Variants in CSMD1 observed in about 807,000 individuals in gnomAD.
CSMD1 encodes the protein CUB and sushi domain-containing protein 1.
In CSMD1, 213 loss-of-function variants were observed where a neutral mutation model predicts 417.5. That is an observed-to-expected ratio of 0.51 (90% CI 0.46 to 0.57). The LOEUF is 0.57. Ranked by LOEUF, CSMD1 falls within the 20% of genes least tolerant of loss-of-function variation. The probability of loss-of-function intolerance (pLI) is 0.00; values close to 1 mark genes in which losing one functional copy is unlikely to be tolerated. For missense variants in CSMD1, 6,923 were observed against 4,529.7 expected, an observed-to-expected ratio of 1.53 and a Z score of -15.17; for synonymous variants, 2,862 against 1,736.8, an observed-to-expected ratio of 1.65 and a Z score of -16.11.
At chr8:4,015,012 G>A (rs973526496) in intron 4 of CSMD1, among the ~76,000 whole-genome samples, 1 of 152,130 alleles carries the variant, frequency 6.6e-6, no homozygotes, top group African/African-American at 2.4e-5. Flanking sequence ...CGTAGACCAG[G>A]TTTACTAGAA....
chr8:4,096,258 C>G (rs768795853), intron 3 of CSMD1, among the ~76,000 whole-genome samples: 16 of 152,182 alleles, frequency 1.1e-4, no homozygotes, highest in Non-Finnish European at 2.2e-4. Context: ...CCTGCTAGCT[C>G]TTGATAGCAA....
At chr8:4,823,013 T>A (rs1799606807) in intron 1 of CSMD1, among the ~76,000 whole-genome samples, 1 of 152,164 alleles carries the variant, frequency 6.6e-6, no homozygotes, top group East Asian at 1.9e-4. Context: ...ATTTCACAAT[T>A]TGCAGTTCTC....
chr8:4,813,200 G>T (rs777245796), intron 1 of CSMD1, among the ~76,000 whole-genome samples: 3 of 152,100 alleles, frequency 2.0e-5, no homozygotes, highest in Non-Finnish European at 2.9e-5. Flanking sequence ...CATGTTTTGG[G>T]CTTAGGAATA....
At chr8:3,118,658 G>C in intron 41 of CSMD1, 71 bp from the exon 42 acceptor site, 2 of 1,360,234 alleles carry the variant, frequency 1.5e-6, no homozygotes, top group South Asian at 2.6e-5. Flanking sequence ...TTGCAGGAGT[G>C]TCATCACATG....
chr8:4,408,894 A>G (rs1317645758), intron 3 of CSMD1, among the ~76,000 whole-genome samples: 1 of 152,222 alleles, frequency 6.6e-6, no homozygotes, highest in Non-Finnish European at 1.5e-5. Context: ...GTTTGATAGT[A>G]AACCATCAAC....
At chr8:4,384,174 A>G (rs960129143) in intron 3 of CSMD1, among the ~76,000 whole-genome samples, 18 of 152,204 alleles carry the variant, frequency 1.2e-4, no homozygotes, top group African/African-American at 2.4e-4. Flanking sequence ...ATTCTCTAAG[A>G]AAGACATCCT....
chr8:4,344,280 C>T (rs1054774304), intron 3 of CSMD1, among the ~76,000 whole-genome samples: 10 of 152,120 alleles, frequency 6.6e-5, no homozygotes, highest in African/African-American at 2.4e-4. Context: ...ATTGTTCATT[C>T]TGTCATGTGT....
At chr8:4,335,252 C>G (rs1585255531) in intron 3 of CSMD1, among the ~76,000 whole-genome samples, 1 of 152,082 alleles carries the variant, frequency 6.6e-6, no homozygotes, top group Non-Finnish European at 1.5e-5. Flanking sequence ...ACACTTCACC[C>G]TTATGACCTA....
intron 3 of CSMD1, among the ~76,000 whole-genome samples, chr8:4,193,020 G>C (rs929814464): frequency 1.3e-5 from 2 of 152,174 alleles, no homozygotes; most frequent in Non-Finnish European, 2.9e-5. Flanking sequence ...CTCAGGAACT[G>C]ATCTTGGAAT....
chr8:4,287,573 C>A (rs188566905), intron 3 of CSMD1, among the ~76,000 whole-genome samples: 318 of 152,162 alleles, frequency 2.1e-3, no homozygotes, highest in Non-Finnish European at 3.6e-3. Context: ...CTAATGTCTG[C>A]AAGCTTTTAT....
At chr8:3,983,462 C>A (rs940114521) in intron 5 of CSMD1, among the ~76,000 whole-genome samples, 4 of 152,140 alleles carry the variant, frequency 2.6e-5, no homozygotes, top group African/African-American at 9.7e-5. Flanking sequence ...ACCTATAAGT[C>A]ACCAGGGTAG....
intron 3 of CSMD1, among the ~76,000 whole-genome samples, chr8:4,143,234 T>C (rs932844337): frequency 1.3e-5 from 2 of 151,178 alleles, no homozygotes; most frequent in Non-Finnish European, 2.9e-5. Flanking sequence ...TAAACCCTCT[T>C]ATAGGGTTAG....
At chr8:3,855,222 G>T (rs1427860585) in intron 5 of CSMD1, among the ~76,000 whole-genome samples, 1 of 152,104 alleles carries the variant, frequency 6.6e-6, no homozygotes, top group African/African-American at 2.4e-5. Flanking sequence ...GGCTGCGACA[G>T]CTATTTTGTA....
intron 2 of CSMD1, among the ~76,000 whole-genome samples, chr8:4,521,730 G>C (rs1221715448): frequency 2.0e-5 from 3 of 152,094 alleles, no homozygotes; most frequent in Non-Finnish European, 2.9e-5. Flanking sequence ...AATAGACATA[G>C]CTCATAAGAA....
intron 2 of CSMD1, among the ~76,000 whole-genome samples, chr8:4,519,651 G>A (rs931682927): frequency 5.5e-5 from 8 of 144,186 alleles, no homozygotes; most frequent in Non-Finnish European, 6.0e-5. Flanking sequence ...GCTGAGGCAG[G>A]AGGATCACTT....
chr8:3,894,920 C>T (rs922834597), intron 5 of CSMD1, among the ~76,000 whole-genome samples: 1 of 152,170 alleles, frequency 6.6e-6, no homozygotes, highest in African/African-American at 2.4e-5. Context: ...GTATTCAACA[C>T]TGTACCATAC....
chr8:4,559,427 G>T (rs189556684), intron 2 of CSMD1, among the ~76,000 whole-genome samples: 5 of 152,258 alleles, frequency 3.3e-5, no homozygotes, highest in East Asian at 1.9e-4. Flanking sequence ...GCATTTGGAG[G>T]CTTTATGAAT....
rs74726152 is a variant in CSMD1, at chr8:3,803,323, T to A, written c.819-49281A>T. Among the ~76,000 whole-genome samples, 1,050 of 152,256 alleles carry A rather than the reference T, an allele frequency of 6.9e-3. 39 individuals are homozygous for A. The highest frequency in any genetic ancestry group is 0.049 in the East Asian group (255 of 5,168). On this transcript the variant is annotated intron_variant, in intron 5 of 69. Coordinates refer to ENST00000635120, the MANE Select transcript of CSMD1 (RefSeq NM_033225.6). ...GCAGCTGGGTAGGGAGATACTGCTA[T>A]ACACAAATACTTCAATAGACAAGAC...
Position 3,090,078 on chromosome 8 carries a change from G to A in CSMD1, c.7285+1438C>T, listed in dbSNP as rs947513572. Among the ~76,000 whole-genome samples, 4 of 151,950 alleles carry A rather than the reference G, an allele frequency of 2.6e-5. No individual in the cohort carries two copies. The South Asian group carries it at 8.3e-4, about 32-fold the overall frequency. On this transcript the variant is annotated intron_variant, in intron 48 of 69. Coordinates refer to ENST00000635120, the MANE Select transcript of CSMD1 (RefSeq NM_033225.6). ...GCCTGTAATCCCAGCACTTTGGGAG[G>A]CCGAGGCGGCCGGATCACAAGGTCA...
Sources: gnomAD v4.1 joint callset for allele counts (sites outside exome capture counted in the v4.1 genomes callset) on GRCh38, gnomAD v4.1.1 for gene constraint, MANE v1.5 for transcripts, NCBI Gene and HGNC (gene_info 2026-07-23, HGNC 2026-07-21) for gene names.